DDX5: variants seen among roughly 807,000 people sequenced by gnomAD.
DDX5 encodes probable ATP-dependent RNA helicase DDX5.
A neutral mutation model predicts 68.6 loss-of-function variants in DDX5; 6 were observed. The observed-to-expected ratio is 0.09, with a 90% confidence interval of 0.05 to 0.17. DDX5 has a LOEUF of 0.17. DDX5 is among the 10% of genes least tolerant of loss of function. DDX5 has a pLI of 1.00. For synonymous variants in DDX5, 350 were observed against 247.0 expected (o/e 1.42, Z -3.91); for missense variants, 499 against 756.1 (o/e 0.66, Z 3.99).
upstream of DDX5, chr17:64,506,429 C>G (rs1383687215): frequency 5.9e-6 from 8 of 1,359,256 alleles, 1 homozygote; most frequent in East Asian, 2.3e-4. Context: ...AGGATCGCCG[C>G]GCTTTCACCC....
At chr17:64,506,590 C>T, upstream of DDX5, 1 of 388,304 alleles carries the variant, frequency 2.6e-6, no homozygotes, top group East Asian at 4.7e-5. Flanking sequence ...CCTCGCCACT[C>T]GGAGATGTTT....
At position 64,502,672 on chromosome 17, in the gene DDX5, C is replaced by G. The variant is rs964670744; in HGVS notation, c.984-123G>C. On this transcript the variant is annotated intron_variant, in intron 8 of 12. Coordinates refer to ENST00000225792, the MANE Select transcript of DDX5 (RefSeq NM_004396.5). ...TGGCTGGAAGTCAAAGAGGAAACGCCTGCTAATCCACTTATCGAGCAGTTC... is the reference window on the plus strand; with the variant it reads ...TGGCTGGAAGTCAAAGAGGAAACGCGTGCTAATCCACTTATCGAGCAGTTC... 15 of 782,658 alleles carry G rather than the reference C, an allele frequency of 1.9e-5. No homozygotes were observed. In the East Asian group the frequency reaches 3.4e-4, roughly 18 times the overall value. The allele number at this position is 782,658 out of a possible 1,614,324, so 48.5% of individuals were successfully genotyped here.
chr17:64,505,949 G>C, intron 1 of DDX5, 127 bp downstream of exon 1: 2 of 1,536,514 alleles, frequency 1.3e-6, no homozygotes, highest in Non-Finnish European at 1.7e-6. Flanking sequence ...CAAGCCTTCG[G>C]GAAAGGAAGT....
At chr17:64,500,920 G>T in intron 11 of DDX5, 147 bp from the exon 12 acceptor site, 1 of 628,792 alleles carries the variant, frequency 1.6e-6, no homozygotes, top group Non-Finnish European at 2.8e-6. Flanking sequence ...TCCATTTCCT[G>T]TAGGAATACC....
At chr17:64,502,821 A>T (rs2038333565) in intron 8 of DDX5, 105 bp downstream of exon 8, 3 of 1,182,420 alleles carry the variant, frequency 2.5e-6, no homozygotes, top group Non-Finnish European at 3.5e-6. Flanking sequence ...AACTAAATGA[A>T]ATCACACCAA....
At chr17:64,504,585 A>C in intron 2 of DDX5, 92 bp downstream of exon 2, 1 of 1,426,652 alleles carries the variant, frequency 7.0e-7, no homozygotes, top group Non-Finnish European at 9.5e-7. Context: ...ACTCTACCAA[A>C]ATTGAGTTAT....
chr17:64,503,151 C>A, intron 7 of DDX5, 37 bp downstream of exon 7: 1 of 1,612,770 alleles, frequency 6.2e-7, no homozygotes, highest in Non-Finnish European at 8.5e-7. Flanking sequence ...AGTGAAAACA[C>A]AATTCAGTTT....
chr17:64,500,593 G>C lies in DDX5; in HGVS notation c.1397C>G (p.Ala466Gly). The C allele has an allele frequency of 6.2e-7, 1 of 1,614,144 alleles. No individual in the cohort carries two copies. The highest frequency in any genetic ancestry group is 8.5e-7 in the Non-Finnish European group (1 of 1,180,008). Reference protein sequence around the residue: ...LISVLREANQAINPKLLQLVE... With the variant: ...LISVLREANQGINPKLLQLVE... The stretch of plus-strand genomic sequence containing the variant: ...CAACTGAAGCAACTTGGGATTAATT[G>C]CTTGATTAGCTTCACGAAGCACAGA... Residue 466 changes from alanine to glycine, a missense_variant, in exon 12 of 13, where the codon GCA becomes GGA. Physicochemically the swap from Ala to Gly is moderately conservative, Grantham distance 60. This residue lies in a region of DDX5 where 21 missense variants were observed against 37.6 expected (regional missense o/e 0.56). Coordinates refer to ENST00000225792, the MANE Select transcript of DDX5 (RefSeq NM_004396.5).
intron 1 of DDX5, 132 bp downstream of exon 1, chr17:64,505,944 C>T: frequency 3.3e-6 from 5 of 1,535,926 alleles, no homozygotes; most frequent in African/African-American, 1.4e-5. Context: ...TGGCGCAAGC[C>T]TTCGGGAAAG....
chr17:64,504,263 C>G lies in DDX5; in HGVS notation c.266G>C (p.Cys89Ser). Reference protein sequence around the residue: ...SKEITVRGHNCPKPVLNFYEA... With the variant: ...SKEITVRGHNSPKPVLNFYEA... ...ATAAAAATTTAGAACTGGCTTCGGG[C>G]AGTTGTGACCTCTAACTGTAATTTC... The change falls in exon 3 of 13, where the codon TGC becomes TCC. Residue 89 changes from cysteine (C) to serine (S), a missense_variant. This residue lies in a region of DDX5 where 140 missense variants were observed against 135.7 expected (regional missense o/e 1.03). Coordinates refer to ENST00000225792, the MANE Select transcript of DDX5 (RefSeq NM_004396.5). The G allele has an allele frequency of 1.2e-6, 2 of 1,614,126 alleles. No homozygotes were observed. The highest frequency in any genetic ancestry group is 1.7e-6 in the Non-Finnish European group (2 of 1,180,014).
At chr17:64,506,020 A>ACCCCCCCCCC in intron 1 of DDX5, 56 bp downstream of exon 1, 1 of 868,082 alleles carries the variant, frequency 1.2e-6, no homozygotes, top group Admixed American at 2.3e-5. Flanking sequence ...CGCCACCCTG[A>ACCCCCCCCCC]CCCGCCCTCC....
At position 64,505,814 on chromosome 17, in the gene DDX5, TC is replaced by T. The variant is rs1555672268; in HGVS notation, c.44+261del. 4 of 1,535,938 alleles carry T rather than the reference TC, an allele frequency of 2.6e-6. No homozygotes were observed. The East Asian group carries it at 9.8e-5, about 38-fold the overall frequency. On this transcript the variant is annotated intron_variant, in intron 1 of 12. Transcript: ENST00000225792. ...TCCGCACAATACGCTCCCTCTCAAC[TC>T]CCTCAACAGCTACCAAATGGCAGCC... is the stretch of plus-strand genomic sequence containing the variant.
chr17:64,504,302 T>A lies in DDX5; in HGVS notation c.227A>T (p.Tyr76Phe). ...ARRTAQEVET[Y>F]RRSKEITVRG... ...AACTGTAATTTCCTTGCTTCTTCTGTATGTTTCCACCTCTTGCTGCAAAAC... is the reference window on the plus strand; with the variant it reads ...AACTGTAATTTCCTTGCTTCTTCTGAATGTTTCCACCTCTTGCTGCAAAAC... The change falls in exon 3 of 13, where the codon TAC (tyrosine) becomes TTC (phenylalanine). Residue 76 changes from tyrosine to phenylalanine, a missense_variant. Physicochemically the swap from Tyr to Phe is conservative, Grantham distance 22. Coordinates refer to ENST00000225792, the MANE Select transcript of DDX5 (RefSeq NM_004396.5). 1 of 1,614,020 alleles carries A rather than the reference T, an allele frequency of 6.2e-7. No homozygotes were observed. Among genetic ancestry groups the A allele is most frequent in the Non-Finnish European group, 8.5e-7 (1 of 1,179,958 alleles).
rs1189685283 is a variant in DDX5, at chr17:64,499,183, G to A, written c.*740C>T. Among the ~76,000 whole-genome samples, 3 of 152,276 alleles carry A rather than the reference G, an allele frequency of 2.0e-5. No homozygotes were observed. The highest frequency in any genetic ancestry group is 4.1e-4 in the South Asian group (2 of 4,830). Reference sequence around the variant, plus strand: ...TTTCAGTAATTCACAGTATAGCCAAGAGCATGAGTATAAGTCTCTTGAAAA... The same window carrying A: ...TTTCAGTAATTCACAGTATAGCCAAAAGCATGAGTATAAGTCTCTTGAAAA... On this transcript the variant is annotated 3_prime_UTR_variant, in exon 13 of 13. Coordinates refer to ENST00000225792, the MANE Select transcript of DDX5 (RefSeq NM_004396.5).
chr17:64,505,015 T>C (rs2038400425), intron 1 of DDX5, 173 bp from the exon 2 acceptor site: 4 of 568,372 alleles, frequency 7.0e-6, no homozygotes, highest in African/African-American at 1.9e-5. Flanking sequence ...CAGTTAACAT[T>C]TCCCGTAGTC....
At chr17:64,504,201 G>T (rs1326120015) in intron 3 of DDX5, 21 bp downstream of exon 3, 1 of 1,612,926 alleles carries the variant, frequency 6.2e-7, no homozygotes, top group Non-Finnish European at 8.5e-7. Flanking sequence ...CGGGTAGGTA[G>T]AACTGAAAAG....
At chr17:64,505,285 C>T (rs1037121521) in intron 1 of DDX5, 2 of 307,198 alleles carry the variant, frequency 6.5e-6, no homozygotes, top group Admixed American at 4.7e-5. Context: ...GTGGTAAGAA[C>T]CTAAACAGTA....
intron 1 of DDX5, chr17:64,505,507 T>G (rs1416130646): frequency 6.7e-6 from 4 of 594,358 alleles, no homozygotes; most frequent in Non-Finnish European, 1.2e-5. Context: ...GCTTCCCCCT[T>G]TGTCTCGCAT....
chr17:64,503,272 T>G lies in DDX5; in HGVS notation c.726A>C (p.Thr242=), dbSNP rs782779669. ...LECGKTNLRR[T]TYLVLDEADR... is the part of the protein sequence containing the mutation. ...CTGCTTCATCAAGGACAAGGTAGGT[T>G]GTTCTTCTCAGATTGGTTTTTCCAC... Residue 242 remains threonine, a synonymous_variant, in exon 7 of 13, where the codon ACA becomes ACC. Transcript: ENST00000225792. 22 of 1,614,102 alleles carry G rather than the reference T, an allele frequency of 1.4e-5. No homozygotes were observed. Among genetic ancestry groups the G allele is most frequent in the Middle Eastern group, 1.6e-4 (1 of 6,084 alleles).
Sources: gnomAD v4.1 joint callset for allele counts (sites outside exome capture counted in the v4.1 genomes callset) on GRCh38, gnomAD v4.1.1 for gene constraint, gnomAD v4.1.1 regional missense constraint, MANE v1.5 for transcripts, NCBI Gene and HGNC (gene_info 2026-07-23, HGNC 2026-07-21) for gene names.